Variants in DNAL1 observed in about 807,000 individuals in gnomAD.
The protein encoded by DNAL1 is dynein axonemal light chain 1, also known as chromosome 14 open reading frame 168.
A neutral mutation model predicts 29.4 loss-of-function variants in DNAL1; 17 were observed. The observed-to-expected ratio is 0.58, with a 90% confidence interval of 0.40 to 0.87. DNAL1 has a LOEUF of 0.87. DNAL1 is among the 40% of genes least tolerant of loss of function. The probability of loss-of-function intolerance (pLI) is 0.00; values close to 1 mark genes in which losing one functional copy is unlikely to be tolerated. For missense variants in DNAL1, 188 were observed against 214.1 expected (o/e 0.88, Z 0.76); for synonymous variants, 78 against 76.3 (o/e 1.02, Z -0.12).
intron 5 of DNAL1, among the ~76,000 whole-genome samples, chr14:73,681,633 A>AATATATATATATATATATAT (rs71112793): frequency 5.7e-4 from 20 of 35,380 alleles, no homozygotes; most frequent in African/African-American, 2.6e-3. Context: ...AAAAAAAAAA[A>AATATATATATATATATATAT]ATATATATAT....
At chr14:73,674,947 T>C (rs1035392665) in intron 5 of DNAL1, among the ~76,000 whole-genome samples, 3 of 150,760 alleles carry the variant, frequency 2.0e-5, no homozygotes, top group African/African-American at 7.3e-5. Flanking sequence ...GCCTCCCAAG[T>C]AGCTGTGACT....
Position 73,697,740 on chromosome 14 carries a change from A to G in DNAL1, c.*1798A>G, listed in dbSNP as rs543636701. 15 of 129,464 alleles carry G rather than the reference A, an allele frequency of 1.2e-4. 1 individual carries two copies. The highest frequency in any genetic ancestry group is 4.5e-4 in the African/African-American group (14 of 30,780). The allele number at this position is 129,464 out of a possible 1,614,324, so 8.0% of individuals were successfully genotyped here. A position where few individuals can be genotyped will look rare whatever the true frequency, so the allele number is the denominator to read the frequency against. On this transcript the variant is annotated 3_prime_UTR_variant, in exon 8 of 8. Coordinates refer to ENST00000553645, the MANE Select transcript of DNAL1 (RefSeq NM_031427.4). The stretch of plus-strand genomic sequence containing the variant: ...CCTGGGCAATAGAGCGAGACTCCAT[A>G]TTTAAAAAAAAAAAAAAAAAAAAAA...
At position 73,702,404 on chromosome 14, in the gene DNAL1, C is replaced by G. The variant is rs1892459625; in HGVS notation, c.*6462C>G. 3 of 152,268 alleles carry G rather than the reference C, an allele frequency of 2.0e-5. No homozygotes were observed. Among genetic ancestry groups the G allele is most frequent in the Admixed American group, 2.0e-4 (3 of 15,292 alleles). 9.4% of individuals were successfully genotyped at this position (152,268 alleles called of 1,614,324 possible). On this transcript the variant is annotated 3_prime_UTR_variant, in exon 8 of 8. Transcript: ENST00000553645. The stretch of plus-strand genomic sequence containing the variant: ...CTGCCCGCCACAGCCTCCCAAAGAG[C>G]TAGGATTACAGGCACGAGCCACCGC...
At chr14:73,674,617 T>C (rs183296286) in intron 5 of DNAL1, among the ~76,000 whole-genome samples, 1 of 152,152 alleles carries the variant, frequency 6.6e-6, no homozygotes, top group African/African-American at 2.4e-5. Context: ...TCACAGCTCA[T>C]TGCAACCTTG....
chr14:73,662,655 G>A (rs947583671), intron 4 of DNAL1, among the ~76,000 whole-genome samples: 1 of 152,080 alleles, frequency 6.6e-6, no homozygotes, highest in Non-Finnish European at 1.5e-5. Context: ...CATCACTCCA[G>A]TCTCTGCCAG....
At chr14:73,654,784 A>G in intron 1 of DNAL1, 63 bp from the exon 2 acceptor site, 1 of 1,408,896 alleles carries the variant, frequency 7.1e-7, no homozygotes, top group Non-Finnish European at 9.5e-7. Flanking sequence ...ATACATACAT[A>G]CATACATTCA....
At chr14:73,684,909 A>G (rs1273916100) in intron 5 of DNAL1, among the ~76,000 whole-genome samples, 1 of 147,990 alleles carries the variant, frequency 6.8e-6, no homozygotes, top group Non-Finnish European at 1.5e-5. Flanking sequence ...TAAAAAACAA[A>G]CTAAAAAAAT....
At chr14:73,653,413 G>A in intron 1 of DNAL1, among the ~76,000 whole-genome samples, 1 of 152,086 alleles carries the variant, frequency 6.6e-6, no homozygotes, top group East Asian at 1.9e-4. Context: ...ATGTGGTGGT[G>A]CGATCATCCC....
At chr14:73,664,069 A>C (rs555306151) in intron 4 of DNAL1, among the ~76,000 whole-genome samples, 22 of 152,200 alleles carry the variant, frequency 1.4e-4, no homozygotes, top group Non-Finnish European at 2.8e-4. Context: ...AAAGGGGAAG[A>C]AACTTTCCTG....
chr14:73,668,411 GAA>G (rs1891537917), intron 4 of DNAL1, among the ~76,000 whole-genome samples: 1 of 152,112 alleles, frequency 6.6e-6, no homozygotes, highest in African/African-American at 2.4e-5. Context: ...ATAGAAAAAA[GAA>G]AATGGTGTTT....
At chr14:73,663,190 T>G (rs952664967) in intron 4 of DNAL1, among the ~76,000 whole-genome samples, 1 of 150,946 alleles carries the variant, frequency 6.6e-6, no homozygotes, top group African/African-American at 2.4e-5. Flanking sequence ...TTATATAGCA[T>G]AGGTCCCAGT....
In DNAL1 at chr14:73,655,088, C is replaced by A. The variant is rs144654100; in HGVS notation, c.42+203C>A. On this transcript the variant is annotated intron_variant, in intron 2 of 7. Coordinates refer to ENST00000553645, the MANE Select transcript of DNAL1 (RefSeq NM_031427.4). ...GCACACATACACACAGTCATACATG[C>A]ACATGAGCACAAGCAAACTTGGGAA... Among the ~76,000 whole-genome samples the A allele has an allele frequency of 2.9e-3, 436 of 152,164 alleles. 2 individuals carry two copies. Among genetic ancestry groups the A allele is most frequent in the Non-Finnish European group, 4.6e-3 (310 of 68,012 alleles).
Position 73,667,247 on chromosome 14 carries a change from A to G in DNAL1, c.209-4295A>G, listed in dbSNP as rs115237286. On this transcript the variant is annotated intron_variant, in intron 4 of 7. Transcript: ENST00000553645. ...GATGCCCAGACAGGTGGATCACTTG[A>G]GGCTAGGACTTCAAGACCAGCCTAG... is the stretch of plus-strand genomic sequence containing the variant. Among the ~76,000 whole-genome samples the G allele has an allele frequency of 8.0e-3, 1,220 of 151,680 alleles. 21 individuals carry two copies. The highest frequency in any genetic ancestry group is 0.028 in the African/African-American group (1,157 of 41,338).
intron 5 of DNAL1, among the ~76,000 whole-genome samples, chr14:73,682,512 T>C (rs962125090): frequency 3.8e-4 from 57 of 151,918 alleles, no homozygotes; most frequent in African/African-American, 1.3e-3. Flanking sequence ...TTAAAAACTT[T>C]TCAATATTTT....
At chr14:73,657,818 C>T (rs975890149) in intron 2 of DNAL1, among the ~76,000 whole-genome samples, 23 of 152,264 alleles carry the variant, frequency 1.5e-4, no homozygotes, top group African/African-American at 5.5e-4. Context: ...TGGTCTTAAA[C>T]TCCTGACCTC....
rs1200862887 is a variant in DNAL1 at position 73,702,114 on chromosome 14, TGAGA to T, written c.*6178_*6181del. 8.7e-5 allele frequency: 13 copies of T among 148,806 alleles called. No homozygotes were observed. Among genetic ancestry groups the T allele is most frequent in the East Asian group, 5.9e-4 (3 of 5,080 alleles). The allele number at this position is 148,806 out of a possible 1,614,324, so 9.2% of individuals were successfully genotyped here. A position where few individuals can be genotyped will look rare whatever the true frequency, so the allele number is the denominator to read the frequency against. On this transcript the variant is annotated 3_prime_UTR_variant, in exon 8 of 8. Transcript: ENST00000553645. ...GTGTGTGTGTGTGTGTGCACGTGCA[TGAGA>T]GAGAGTGAAAGAGAGAGGTGTTTTT...
intron 5 of DNAL1, among the ~76,000 whole-genome samples, chr14:73,678,583 G>A (rs1287215782): frequency 6.7e-6 from 1 of 149,870 alleles, no homozygotes; most frequent in Non-Finnish European, 1.5e-5. Flanking sequence ...TTGTGAACAG[G>A]CATCCTTAAA....
intron 5 of DNAL1, among the ~76,000 whole-genome samples, chr14:73,677,228 C>T (rs1359632005): frequency 6.6e-6 from 1 of 152,070 alleles, no homozygotes; most frequent in Non-Finnish European, 1.5e-5. Flanking sequence ...CCTCGGCCTC[C>T]CGAAGTGCTG....
At chr14:73,661,014 C>T (rs1393960725) in intron 3 of DNAL1, among the ~76,000 whole-genome samples, 1 of 152,114 alleles carries the variant, frequency 6.6e-6, no homozygotes, top group Admixed American at 6.6e-5. Context: ...ACAGATTTGG[C>T]CAGTCATTTA....
Sources: allele counts gnomAD v4.1 joint callset (sites outside exome capture counted in the v4.1 genomes callset), GRCh38; gene constraint gnomAD v4.1.1; transcripts MANE v1.5; gene names NCBI Gene and HGNC (gene_info 2026-07-23, HGNC 2026-07-21).